Variants in DNAAF9 observed in about 807,000 individuals in gnomAD.
DNAAF9 encodes dynein axonemal assembly factor 9.
DNAAF9 carries 90 observed loss-of-function variants against 167.0 expected under a neutral mutation model. The observed-to-expected ratio is 0.54, with a 90% CI of 0.45 to 0.64. DNAAF9 has a LOEUF of 0.64. DNAAF9 is among the 30% of genes least tolerant of loss of function. The pLI, the probability that DNAAF9 is intolerant of heterozygous loss-of-function variation, is 0.00. For missense variants in DNAAF9, 1,315 were observed against 1,442.2 expected (o/e 0.91, Z 1.43); for synonymous variants, 491 against 508.8 (o/e 0.96, Z 0.47).
chr20:3,336,258 G>GTTTTTTTTTTTTTTTTT (rs367718705), intron 10 of DNAAF9, among the ~76,000 whole-genome samples: 5 of 113,564 alleles, frequency 4.4e-5, no homozygotes, highest in Non-Finnish European at 6.9e-5. Flanking sequence ...TTGCGTTTTT[G>GTTTTTTTTTTTTTTTTT]TTTTTTTTTT....
At chr20:3,389,721 T>C (rs181018152) in intron 1 of DNAAF9, among the ~76,000 whole-genome samples, 1 of 151,992 alleles carries the variant, frequency 6.6e-6, no homozygotes, top group Non-Finnish European at 1.5e-5. Context: ...ATGCAATCTA[T>C]GAACTTTAAA....
chr20:3,348,621 A>G lies in DNAAF9; in HGVS notation c.693T>C (p.Asp231=). 6.3e-7 allele frequency: 1 copy of G among 1,588,382 alleles called. No homozygotes were observed. ...PMSLESLLSD[D]LVAFEHQWTS... Reference sequence around the variant, plus strand: ...TCCACTGATGTTCAAAAGCCACCAAATCCTGGGAAAAAAAGGAAAAAGATA... The same window carrying G: ...TCCACTGATGTTCAAAAGCCACCAAGTCCTGGGAAAAAAAGGAAAAAGATA... The change falls in exon 8 of 37, where the codon GAT becomes GAC. Residue 231 remains aspartate, a splice_region_variant and synonymous_variant. Transcript: ENST00000252032.
intron 33 of DNAAF9, 145 bp downstream of exon 33, chr20:3,259,335 T>C (rs2068337406): frequency 1.5e-6 from 1 of 682,582 alleles, no homozygotes; most frequent in Non-Finnish European, 2.7e-6. Flanking sequence ...ACAAGCCTGA[T>C]GGCGTGAAGG....
intron 4 of DNAAF9, 89 bp from the exon 5 acceptor site, chr20:3,375,215 T>C: frequency 1.2e-6 from 1 of 854,016 alleles, no homozygotes; most frequent in Non-Finnish European, 2.0e-6. Context: ...ACCAGAGTTG[T>C]CCCAAATGAC....
rs1409511524 is a variant in DNAAF9, at chr20:3,249,793, T to G, written c.*2779A>C. 2.0e-5 allele frequency: 3 copies of G among 152,140 alleles called. No individual in the cohort carries two copies. Among genetic ancestry groups the G allele is most frequent in the African/African-American group, 7.2e-5 (3 of 41,422 alleles). The allele number at this position is 152,140 out of a possible 1,614,324, so 9.4% of individuals were successfully genotyped here. On this transcript the variant is annotated 3_prime_UTR_variant, in exon 37 of 37. Coordinates refer to ENST00000252032, the MANE Select transcript of DNAAF9 (RefSeq NM_001009984.3). Reference sequence around the variant, plus strand: ...CCCAGAGCTTCTTACTGTGCAAAAATTCTCCAAAATCCTAATAGAATTTAG... The same window carrying G: ...CCCAGAGCTTCTTACTGTGCAAAAAGTCTCCAAAATCCTAATAGAATTTAG...
At chr20:3,278,367 G>T (rs1415065106) in intron 29 of DNAAF9, among the ~76,000 whole-genome samples, 1 of 152,196 alleles carries the variant, frequency 6.6e-6, no homozygotes, top group Non-Finnish European at 1.5e-5. Flanking sequence ...TAGCTGGAAT[G>T]CCAGGTGGAC....
At chr20:3,295,896 C>A (rs1483941322) in intron 23 of DNAAF9, 6 of 1,304,294 alleles carry the variant, frequency 4.6e-6, no homozygotes, top group South Asian at 1.2e-5. Context: ...CCAGTGCCGT[C>A]AATTGAATGT....
At chr20:3,373,697 G>A (rs2083539421) in intron 6 of DNAAF9, among the ~76,000 whole-genome samples, 1 of 152,174 alleles carries the variant, frequency 6.6e-6, no homozygotes, top group Admixed American at 6.6e-5. Flanking sequence ...GGGTGGATGG[G>A]TTGGTGGGCA....
intron 6 of DNAAF9, among the ~76,000 whole-genome samples, chr20:3,367,841 G>C (rs2083449399): frequency 6.6e-6 from 1 of 150,602 alleles, no homozygotes; most frequent in African/African-American, 2.4e-5. Flanking sequence ...GACACAAAGT[G>C]AACACGTGCT....
intron 7 of DNAAF9, among the ~76,000 whole-genome samples, chr20:3,350,808 G>A (rs536926793): frequency 2.0e-5 from 3 of 152,236 alleles, no homozygotes; most frequent in African/African-American, 7.2e-5. Context: ...AGAAAAATTT[G>A]AGCGTCACTG....
intron 23 of DNAAF9, chr20:3,295,683 A>T: frequency 1.8e-6 from 1 of 563,880 alleles, no homozygotes; most frequent in Admixed American, 1.9e-5. Flanking sequence ...AAACTGTAAC[A>T]CAGTCCATGG....
At chr20:3,295,063 G>T (rs2069042928) in intron 23 of DNAAF9, among the ~76,000 whole-genome samples, 1 of 152,040 alleles carries the variant, frequency 6.6e-6, no homozygotes, top group East Asian at 1.9e-4. Flanking sequence ...TAGAGACGGG[G>T]TTTCACTGTG....
chr20:3,278,823 A>G, intron 29 of DNAAF9, 89 bp downstream of exon 29: 1 of 975,212 alleles, frequency 1.0e-6, no homozygotes, highest in South Asian at 1.3e-5. Flanking sequence ...AGATTTCAGA[A>G]TGGTAGGTAA....
chr20:3,272,220 T>C lies in DNAAF9; in HGVS notation c.2651-1658A>G, dbSNP rs569095878. 6.6e-5 allele frequency among the ~76,000 whole-genome samples: 10 copies of C among 152,292 alleles called. No homozygotes were observed. In the South Asian group the frequency reaches 1.9e-3, roughly 28 times the overall value. On this transcript the variant is annotated intron_variant, in intron 29 of 36. Transcript: ENST00000252032. ...TGTTCAAATTTCTCTGTCTTATAAATGTTTTCTCAGTTAATAATTTTTGAA... is the reference window on the plus strand; with the variant it reads ...TGTTCAAATTTCTCTGTCTTATAAACGTTTTCTCAGTTAATAATTTTTGAA...
intron 8 of DNAAF9, among the ~76,000 whole-genome samples, chr20:3,347,399 A>G (rs543122564): frequency 1.8e-4 from 28 of 152,342 alleles, no homozygotes; most frequent in African/African-American, 6.7e-4. Context: ...AAAATATTAA[A>G]GACCAACCTT....
At chr20:3,403,088 C>G (rs1245815332) in intron 1 of DNAAF9, among the ~76,000 whole-genome samples, 1 of 152,092 alleles carries the variant, frequency 6.6e-6, no homozygotes, top group East Asian at 1.9e-4. Context: ...ATGATAACCT[C>G]AATCTTCACC....
intron 27 of DNAAF9, among the ~76,000 whole-genome samples, chr20:3,285,506 C>G (rs1487813745): frequency 6.6e-6 from 1 of 150,696 alleles, no homozygotes; most frequent in African/African-American, 2.4e-5. Context: ...TGGTGAAACC[C>G]CATTTCTACT....
In DNAAF9 at chr20:3,252,356, G is replaced by T; in HGVS notation, c.*216C>A. The T allele has an allele frequency of 2.1e-6, 1 of 472,834 alleles. No individual in the cohort carries two copies. Among genetic ancestry groups the T allele is most frequent in the East Asian group, 3.9e-5 (1 of 25,770 alleles). The allele number at this position is 472,834 out of a possible 1,614,324, so 29.3% of individuals were successfully genotyped here. ...GGGCAGGCCCCATCTGCTCATCCTT[G>T]AGTATTCCCCCGACCCCCAAAATCA... is the stretch of plus-strand genomic sequence containing the variant. On this transcript the variant is annotated 3_prime_UTR_variant, in exon 37 of 37. Transcript: ENST00000252032.
At chr20:3,369,693 G>A (rs1282381694) in intron 6 of DNAAF9, among the ~76,000 whole-genome samples, 1 of 152,060 alleles carries the variant, frequency 6.6e-6, no homozygotes, top group African/African-American at 2.4e-5. Context: ...TAACTTTAAA[G>A]GTTAAAGTCT....
Sources: allele counts gnomAD v4.1 joint callset (sites outside exome capture counted in the v4.1 genomes callset), GRCh38; gene constraint gnomAD v4.1.1; transcripts MANE v1.5; gene names NCBI Gene and HGNC (gene_info 2026-07-23, HGNC 2026-07-21).